The following NSD2 variants were observed in gnomAD, a reference collection of about 807,000 sequenced individuals.
The protein encoded by NSD2 is nuclear receptor binding SET domain protein 2.
Under a neutral mutation model 139.0 loss-of-function variants are expected in NSD2, and 12 were observed. The ratio of observed to expected loss-of-function variants is 0.09; its 90% CI spans 0.06 to 0.14. The LOEUF (loss-of-function observed/expected upper bound fraction) is 0.14, where lower values mean the gene tolerates loss of function less well. Ranked by LOEUF, NSD2 falls within the 10% of genes least tolerant of loss-of-function variation. The pLI, the probability that NSD2 is intolerant of heterozygous loss-of-function variation, is 1.00. For missense variants in NSD2, 1,155 were observed against 1,745.0 expected (o/e 0.66, Z 6.02); for synonymous variants, 669 against 648.7 (o/e 1.03, Z -0.48).
chr4:1,933,476 G>A (rs1209562930), intron 6 of NSD2, among the ~76,000 whole-genome samples: 3 of 152,146 alleles, frequency 2.0e-5, no homozygotes, highest in East Asian at 1.9e-4. Flanking sequence ...TGCAAGCTCC[G>A]CCTGGCGGGT....
chr4:1,944,172 C>T, intron 9 of NSD2: 4 of 1,066,124 alleles, frequency 3.8e-6, no homozygotes, highest in Non-Finnish European at 4.5e-6. Flanking sequence ...AGGGACAGTC[C>T]CATGTGTGGC....
At chr4:1,908,939 T>TG in intron 3 of NSD2, among the ~76,000 whole-genome samples, 1 of 152,188 alleles carries the variant, frequency 6.6e-6, no homozygotes, top group Non-Finnish European at 1.5e-5. Flanking sequence ...TGAGCCACCA[T>TG]ACCTGTCCCC....
chr4:1,874,974 T>C (rs1348607147), intron 1 of NSD2, among the ~76,000 whole-genome samples: 1 of 152,214 alleles, frequency 6.6e-6, no homozygotes, highest in East Asian at 1.9e-4. Context: ...TATTGCTCTT[T>C]TCTTTTGAGA....
intron 18 of NSD2, among the ~76,000 whole-genome samples, chr4:1,970,674 G>GGA (rs1230779838): frequency 6.6e-6 from 1 of 152,242 alleles, no homozygotes; most frequent in African/African-American, 2.4e-5. Context: ...CAGGAGCAAA[G>GGA]GAGAGCATGA....
rs2108960090 is a variant in NSD2 at position 1,956,343 on chromosome 4, T to C, written c.2881+155T>C. On this transcript the variant is annotated intron_variant, in intron 15 of 21. Transcript: ENST00000508803. The surrounding 1 kb of genome is among the most constrained non-coding windows in gnomAD (Gnocchi z 5.3). ...GGAAAATGTTTGCAGTCTGGTTTAT[T>C]TGTTGAGCATAGAATAAGATACACT... Among the ~76,000 whole-genome samples the C allele has an allele frequency of 6.6e-6, 1 of 152,380 alleles. No homozygotes were observed. The highest frequency in any genetic ancestry group is 1.5e-5 in the Non-Finnish European group (1 of 68,046).
At chr4:1,935,679 G>A (rs1722304025) in intron 7 of NSD2, among the ~76,000 whole-genome samples, 2 of 152,102 alleles carry the variant, frequency 1.3e-5, no homozygotes, top group South Asian at 4.1e-4. Flanking sequence ...GGCCAAGATG[G>A]TAATACCCCG....
rs1463745806 is a variant in NSD2, at chr4:1,955,075, T to C, written c.2339-86T>C. On this transcript the variant is annotated intron_variant, in intron 12 of 21. Coordinates refer to ENST00000508803, the MANE Select transcript of NSD2 (RefSeq NM_001042424.3). The surrounding 1 kb of genome is among the most constrained non-coding windows in gnomAD (Gnocchi z 4.7). ...TTTTAGCATTAACTTTTCAAATTCATGGAGGCTGAGTAATTATTAGTTGCT... is the reference window on the plus strand; with the variant it reads ...TTTTAGCATTAACTTTTCAAATTCACGGAGGCTGAGTAATTATTAGTTGCT... 3.0e-5 allele frequency: 42 copies of C among 1,379,392 alleles called. No homozygotes were observed. Among genetic ancestry groups the C allele is most frequent in the Non-Finnish European group, 4.0e-5 (41 of 1,016,262 alleles). The allele number at this position is 1,379,392 out of a possible 1,614,324, so 85.4% of individuals were successfully genotyped here. A position where few individuals can be genotyped will look rare whatever the true frequency, so the allele number is the denominator to read the frequency against.
intron 7 of NSD2, 43 bp downstream of exon 7, chr4:1,935,305 TCTGTGACTCTTGGTGCCA>T (rs1166094946): frequency 1.3e-6 from 2 of 1,481,768 alleles, no homozygotes; most frequent in Non-Finnish European, 1.9e-6. Flanking sequence ...GAGTGTATGC[TCTGTGACTCTTGGTGCCA>T]CTGTTTCCCT....
At position 1,981,833 on chromosome 4, in the gene NSD2, G is replaced by A. The variant is rs926966844; in HGVS notation, c.*2924G>A. On this transcript the variant is annotated 3_prime_UTR_variant, in exon 22 of 22. Transcript: ENST00000508803. ...GTTGCCAAATATCTTGATCCTATGA[G>A]TGTAGTTGATGACTGTTTGTTAGTC... 1 of 398,210 alleles carries A rather than the reference G, an allele frequency of 2.5e-6. No homozygotes were observed. The highest frequency in any genetic ancestry group is 2.1e-5 in the African/African-American group (1 of 48,308). 24.7% of individuals were successfully genotyped at this position (398,210 alleles called of 1,614,324 possible).
Position 1,935,205 on chromosome 4 carries a change from T to C in NSD2, c.1617T>C (p.Ala539=). Residue 539 remains alanine, a synonymous_variant, in exon 7 of 22, where the codon GCT becomes GCC. Coordinates refer to ENST00000508803, the MANE Select transcript of NSD2 (RefSeq NM_001042424.3). ...TKRIQDPTED[A]EAEDTPRKRL... is the part of the protein sequence containing the mutation. Reference sequence around the variant, plus strand: ...GGATACAGGACCCTACAGAAGATGCTGAAGCTGAGGACACACCCAGGAAAA... The same window carrying C: ...GGATACAGGACCCTACAGAAGATGCCGAAGCTGAGGACACACCCAGGAAAA... The C allele has an allele frequency of 1.2e-6, 2 of 1,613,558 alleles. No individual in the cohort carries two copies. The highest frequency in any genetic ancestry group is 1.7e-6 in the Non-Finnish European group (2 of 1,179,788).
intron 1 of NSD2, among the ~76,000 whole-genome samples, chr4:1,888,329 C>A (rs1715270232): frequency 7.0e-6 from 1 of 142,734 alleles, no homozygotes; most frequent in Non-Finnish European, 1.5e-5. Flanking sequence ...GGGAGAATTG[C>A]CTGAACCTGG....
At chr4:1,941,844 C>G in intron 9 of NSD2, 1 of 1,056,846 alleles carries the variant, frequency 9.5e-7, no homozygotes, top group South Asian at 4.5e-5. Flanking sequence ...CGCGACTGAA[C>G]TACAGTAAAT....
At position 1,958,131 on chromosome 4, in the gene NSD2, G is replaced by C; in HGVS notation, c.2985+95G>C. On this transcript the variant is annotated intron_variant, in intron 16 of 21. Transcript: ENST00000508803. This position sits in a 1 kb window ranked among gnomAD's most constrained non-coding sequence, Gnocchi z 4.6. Reference sequence around the variant, plus strand: ...CACACCCAGGCTATGGCTGGGGAGAGGACTGTCACCAGCCAGGATCTGTGG... The same window carrying C: ...CACACCCAGGCTATGGCTGGGGAGACGACTGTCACCAGCCAGGATCTGTGG... The C allele has an allele frequency of 1.6e-6, 2 of 1,266,956 alleles. No homozygotes were observed. The allele number at this position is 1,266,956 out of a possible 1,614,324, so 78.5% of individuals were successfully genotyped here.
chr4:1,891,440 A>G (rs116228700), intron 1 of NSD2, among the ~76,000 whole-genome samples: 1 of 152,090 alleles, frequency 6.6e-6, no homozygotes, highest in African/African-American at 2.4e-5. Context: ...CTGCTGTCCT[A>G]GGGTTGAGAC....
chr4:1,959,793 A>T (rs1725187145), intron 17 of NSD2, 53 bp downstream of exon 17: 1 of 1,592,884 alleles, frequency 6.3e-7, no homozygotes, highest in Admixed American at 1.7e-5. Context: ...TTCACTGGGT[A>T]ATTAGGCCTA....
rs765322032 is a variant in NSD2 at position 1,900,622 on chromosome 4, A to G, written c.-29-4A>G. On this transcript the variant is annotated splice_region_variant and splice_polypyrimidine_tract_variant and intron_variant, in intron 1 of 21. Transcript: ENST00000508803. ...TTTCTTTTTTCTTTTTTTTAATACCATAGTGTTCTAAGAACGGAAGCATCT... is the reference window on the plus strand; with the variant it reads ...TTTCTTTTTTCTTTTTTTTAATACCGTAGTGTTCTAAGAACGGAAGCATCT... 20 of 1,501,144 alleles carry G rather than the reference A, an allele frequency of 1.3e-5. No individual in the cohort carries two copies. Among genetic ancestry groups the G allele is most frequent in the Non-Finnish European group, 1.2e-5 (13 of 1,120,826 alleles). 93.0% of individuals were successfully genotyped at this position (1,501,144 alleles called of 1,614,324 possible). A position where few individuals can be genotyped will look rare whatever the true frequency, so the allele number is the denominator to read the frequency against.
At chr4:1,872,533 G>GA (rs1315087858) in intron 1 of NSD2, among the ~76,000 whole-genome samples, 1 of 147,320 alleles carries the variant, frequency 6.8e-6, no homozygotes, top group Admixed American at 6.9e-5. Context: ...ATGTGGTGAC[G>GA]TTAATCGTTT....
intron 3 of NSD2, among the ~76,000 whole-genome samples, chr4:1,906,654 CTTT>C (rs537619996): frequency 5.0e-5 from 5 of 99,910 alleles, no homozygotes; most frequent in African/African-American, 1.2e-4. Flanking sequence ...CTCTCTCTCT[CTTT>C]TTTTTTTTTT....
intron 1 of NSD2, among the ~76,000 whole-genome samples, chr4:1,873,874 G>A (rs1018428499): frequency 6.6e-6 from 1 of 152,180 alleles, no homozygotes; most frequent in African/African-American, 2.4e-5. Context: ...TTTAGAGACA[G>A]GGTCTCTCTA....
Sources: allele counts gnomAD v4.1 joint callset (sites outside exome capture counted in the v4.1 genomes callset), GRCh38; gene constraint gnomAD v4.1.1; non-coding constraint Gnocchi (gnomAD v3.1); transcripts MANE v1.5; gene names NCBI Gene and HGNC (gene_info 2026-07-23, HGNC 2026-07-21).